MAPK10: variants seen among roughly 807,000 people sequenced by gnomAD.
MAPK10 encodes JNK3 alpha protein kinase.
Under a neutral mutation model 59.3 loss-of-function variants are expected in MAPK10, and 25 were observed. The observed-to-expected ratio is 0.42, with a 90% CI of 0.31 to 0.59. The LOEUF (loss-of-function observed/expected upper bound fraction) is 0.59. Among genes scored for constraint, MAPK10 ranks in the 20% least tolerant of loss-of-function variants. MAPK10 has a pLI of 0.15. For synonymous variants in MAPK10, 190 were observed against 200.5 expected (o/e 0.95, Z 0.44); for missense variants, 351 against 568.9 (o/e 0.62, Z 3.90).
chr4:86,113,436 C>T (rs2149096377), intron 4 of MAPK10, among the ~76,000 whole-genome samples: 1 of 152,278 alleles, frequency 6.6e-6, no homozygotes, highest in Middle Eastern at 3.4e-3. Flanking sequence ...TCAGCATTTG[C>T]TTGTCTGAAA....
At chr4:86,570,142 T>C (rs1351046904) in intron 1 of MAPK10, among the ~76,000 whole-genome samples, 3 of 152,118 alleles carry the variant, frequency 2.0e-5, no homozygotes, top group East Asian at 1.9e-4. Context: ...AGGTAGTGTG[T>C]TGCCTGGGAA....
intron 1 of MAPK10, among the ~76,000 whole-genome samples, chr4:86,435,837 G>C (rs1486801691): frequency 6.6e-6 from 1 of 152,120 alleles, no homozygotes; most frequent in Non-Finnish European, 1.5e-5. Flanking sequence ...TTATTGAGCT[G>C]AGCCAAATTC....
intron 1 of MAPK10, chr4:86,356,794 C>A (rs1015407782): frequency 1.3e-5 from 2 of 152,106 alleles, no homozygotes; most frequent in Admixed American, 6.6e-5. Flanking sequence ...ATAAATATAT[C>A]CAATATGCCA....
chr4:86,143,233 G>A (rs539132180), intron 4 of MAPK10, among the ~76,000 whole-genome samples: 1 of 152,280 alleles, frequency 6.6e-6, no homozygotes, highest in South Asian at 2.1e-4. Context: ...ATGTCCCCAT[G>A]ATCCAATGAC....
chr4:86,037,501 C>T (rs1275930059), intron 11 of MAPK10, among the ~76,000 whole-genome samples: 1 of 151,046 alleles, frequency 6.6e-6, no homozygotes, highest in Non-Finnish European at 1.5e-5. Context: ...GCCTGGGTGA[C>T]TGAGCGAGAC....
intron 1 of MAPK10, among the ~76,000 whole-genome samples, chr4:86,442,193 T>G (rs1749496342): frequency 6.6e-6 from 1 of 152,174 alleles, no homozygotes; most frequent in South Asian, 2.1e-4. Context: ...CTACTTTGAG[T>G]TGAATATGGT....
intron 2 of MAPK10, among the ~76,000 whole-genome samples, chr4:86,243,600 T>G (rs905216862): frequency 6.6e-6 from 1 of 152,144 alleles, no homozygotes; most frequent in East Asian, 1.9e-4. Flanking sequence ...CCCTTGAACA[T>G]GCCCTTTCCT....
chr4:86,572,993 T>C (rs1180683515), intron 1 of MAPK10, among the ~76,000 whole-genome samples: 2 of 152,220 alleles, frequency 1.3e-5, no homozygotes, highest in Non-Finnish European at 2.9e-5. Flanking sequence ...AATTGTTTTC[T>C]TTAGTTTTGA....
intron 10 of MAPK10, among the ~76,000 whole-genome samples, chr4:86,067,285 G>A (rs1027947649): frequency 1.1e-4 from 17 of 152,260 alleles, no homozygotes; most frequent in African/African-American, 4.1e-4. Context: ...GGGACTAGAG[G>A]TGTGTGCCAC....
chr4:86,050,789 AGTG>A (rs2043362345), intron 11 of MAPK10, among the ~76,000 whole-genome samples: 4 of 152,142 alleles, frequency 2.6e-5, no homozygotes. Context: ...CAGAAAAAGA[AGTG>A]GTAACAGATT....
At chr4:86,580,462 G>A (rs963725041) in intron 1 of MAPK10, among the ~76,000 whole-genome samples, 2 of 151,908 alleles carry the variant, frequency 1.3e-5, no homozygotes, top group African/African-American at 4.8e-5. Flanking sequence ...TCAGGCCACT[G>A]CATTCCAGCC....
At position 86,016,240 on chromosome 4, in the gene MAPK10, G is replaced by C. The variant is rs920925969; in HGVS notation, c.*988C>G. The C allele has an allele frequency of 6.6e-6, 1 of 152,202 alleles. No homozygotes were observed. Among genetic ancestry groups the C allele is most frequent in the African/African-American group, 2.4e-5 (1 of 41,444 alleles). 9.4% of individuals were successfully genotyped at this position (152,202 alleles called of 1,614,324 possible). A position where few individuals can be genotyped will look rare whatever the true frequency, so the allele number is the denominator to read the frequency against. On this transcript the variant is annotated 3_prime_UTR_variant, in exon 14 of 14. Transcript: ENST00000641462. ...AATTGAGAAATGACAAATGGGTATA[G>C]AGCCAAATCTCTAAAACAGGGACAC...
At chr4:86,098,668 G>A in intron 8 of MAPK10, 73 bp from the exon 9 acceptor site, 1 of 1,228,816 alleles carries the variant, frequency 8.1e-7, no homozygotes, top group South Asian at 1.2e-5. Flanking sequence ...GACTTCTGAA[G>A]GAGGAGGAAA....
chr4:86,017,404 A>T lies in MAPK10; in HGVS notation c.1253-34T>A. On this transcript the variant is annotated intron_variant, in intron 13 of 13. Transcript: ENST00000641462. The surrounding 1 kb of genome is among the most constrained non-coding windows in gnomAD (Gnocchi z 4.4). ...AGAAAATGAAGACCAACATGACTCA[A>T]TCTAGAACCAGACCCATCTTAATGC... 3 of 1,612,434 alleles carry T rather than the reference A, an allele frequency of 1.9e-6. No homozygotes were observed. The highest frequency in any genetic ancestry group is 2.5e-6 in the Non-Finnish European group (3 of 1,178,950).
At chr4:86,283,878 G>A (rs1181049365) in intron 2 of MAPK10, among the ~76,000 whole-genome samples, 1 of 152,162 alleles carries the variant, frequency 6.6e-6, no homozygotes, top group Non-Finnish European at 1.5e-5. Flanking sequence ...GAACACCAGT[G>A]TCCCATGAGA....
chr4:86,446,697 TATG>T (rs1187686958), intron 1 of MAPK10, among the ~76,000 whole-genome samples: 1 of 152,206 alleles, frequency 6.6e-6, no homozygotes, highest in Non-Finnish European at 1.5e-5. Context: ...CAGTTCTTGA[TATG>T]ATATTTGCTA....
At chr4:86,242,189 T>C (rs1563493821) in intron 2 of MAPK10, among the ~76,000 whole-genome samples, 1 of 152,004 alleles carries the variant, frequency 6.6e-6, no homozygotes, top group Non-Finnish European at 1.5e-5. Context: ...GAGATGTCAT[T>C]CAAGGAGGCT....
At chr4:86,091,487 T>C (rs1403704650) in intron 9 of MAPK10, 1 of 150,296 alleles carries the variant, frequency 6.7e-6, no homozygotes, top group Admixed American at 6.7e-5. Context: ...TCCCTAACCA[T>C]TCCTCTCCTA....
At chr4:86,210,311 A>C (rs1487033695) in intron 2 of MAPK10, among the ~76,000 whole-genome samples, 1 of 152,070 alleles carries the variant, frequency 6.6e-6, no homozygotes, top group Non-Finnish European at 1.5e-5. Context: ...ACAGCAAAGG[A>C]AACAGTCCAT....
Sources: gnomAD v4.1 joint callset for allele counts (sites outside exome capture counted in the v4.1 genomes callset) on GRCh38, gnomAD v4.1.1 for gene constraint, Gnocchi (gnomAD v3.1) non-coding constraint, MANE v1.5 for transcripts, NCBI Gene and HGNC (gene_info 2026-07-23, HGNC 2026-07-21) for gene names.